Variants in SPATA18 observed in about 807,000 individuals in gnomAD.
SPATA18 encodes mitochondria-eating protein.
Under a neutral mutation model 68.1 loss-of-function variants are expected in SPATA18, and 54 were observed. That is an observed-to-expected ratio of 0.79 (90% CI 0.64 to 0.99). SPATA18 has a LOEUF of 0.99. Among genes scored for constraint, SPATA18 ranks in the 50% least tolerant of loss-of-function variants. The pLI is 0.00. For synonymous variants in SPATA18, 242 were observed against 244.8 expected (o/e 0.99, Z 0.11); for missense variants, 724 against 681.1 (o/e 1.06, Z -0.70).
chr4:52,059,519 T>C (rs1263009112), intron 1 of SPATA18, among the ~76,000 whole-genome samples: 3 of 152,218 alleles, frequency 2.0e-5, no homozygotes. Flanking sequence ...TTTGTTCTCA[T>C]TGCTTAGAAT....
chr4:52,076,709 C>A (rs984425627), intron 6 of SPATA18, 70 bp from the exon 7 acceptor site: 1 of 1,584,808 alleles, frequency 6.3e-7, no homozygotes, highest in South Asian at 1.2e-5. Context: ...TCATTGGCCA[C>A]CAGATGATCT....
At chr4:52,092,906 A>C (rs889483348) in intron 11 of SPATA18, among the ~76,000 whole-genome samples, 5 of 152,200 alleles carry the variant, frequency 3.3e-5, no homozygotes, top group Non-Finnish European at 7.3e-5. Context: ...CAGAAAACCA[A>C]ATACCTTTCT....
Position 52,069,867 on chromosome 4 carries a change from G to A in SPATA18, c.469G>A (p.Ala157Thr), listed in dbSNP as rs978014388. The A allele has an allele frequency of 5.0e-6, 8 of 1,598,280 alleles. No individual in the cohort carries two copies. The highest frequency in any genetic ancestry group is 6.0e-6 in the Non-Finnish European group (7 of 1,170,284). The stretch of plus-strand genomic sequence containing the variant: ...TCTTGAAGAAAGCAAGAACAGATCG[G>A]CCATATCCCTTTTGGCTGCAGAGGA... ...KNLEESKNRSAISLLAAEEEI... is the reference protein window; with the variant it reads ...KNLEESKNRSTISLLAAEEEI... Residue 157 changes from alanine (A) to threonine (T), a missense_variant, in exon 5 of 13, where the codon GCC (alanine) becomes ACC (threonine). Ala to Thr is a moderately conservative substitution (Grantham distance 58). Coordinates refer to ENST00000295213, the MANE Select transcript of SPATA18 (RefSeq NM_145263.4).
At chr4:52,066,738 A>G (rs1181465325) in intron 4 of SPATA18, among the ~76,000 whole-genome samples, 1 of 152,062 alleles carries the variant, frequency 6.6e-6, no homozygotes, top group East Asian at 1.9e-4. Context: ...CCCACTTATG[A>G]GTGAGAACAT....
chr4:52,085,760 T>C (rs902487036), intron 11 of SPATA18, among the ~76,000 whole-genome samples: 6 of 151,952 alleles, frequency 3.9e-5, no homozygotes, highest in Non-Finnish European at 5.9e-5. Flanking sequence ...CCCCCCCAAA[T>C]TAGCCAGGCA....
chr4:52,073,313 T>C (rs1054056150), intron 6 of SPATA18, among the ~76,000 whole-genome samples: 1 of 152,248 alleles, frequency 6.6e-6, no homozygotes, highest in Non-Finnish European at 1.5e-5. Context: ...TAGTTTCTTC[T>C]GTAAAACCTC....
chr4:52,074,896 A>T (rs1006047183), intron 6 of SPATA18, among the ~76,000 whole-genome samples: 1 of 152,156 alleles, frequency 6.6e-6, no homozygotes, highest in Non-Finnish European at 1.5e-5. Flanking sequence ...CCGCAATTAG[A>T]TTTACCCAAG....
chr4:52,070,544 G>A (rs1739724898), intron 5 of SPATA18, among the ~76,000 whole-genome samples: 1 of 148,234 alleles, frequency 6.7e-6, no homozygotes, highest in Non-Finnish European at 1.5e-5. Flanking sequence ...TGGGGTAGGG[G>A]GAGGGGGGAG....
chr4:52,073,921 C>T (rs951044952), intron 6 of SPATA18, among the ~76,000 whole-genome samples: 1 of 152,116 alleles, frequency 6.6e-6, no homozygotes, highest in Non-Finnish European at 1.5e-5. Context: ...ATCTAGAGCT[C>T]GTCTATTTCA....
Position 52,072,093 on chromosome 4 carries a change from A to T in SPATA18, c.695A>T (p.Gln232Leu), listed in dbSNP as rs1206419580. Reference protein sequence around the residue: ...DTEAMSDYKKQLRNLKEEIAV... With the variant: ...DTEAMSDYKKLLRNLKEEIAV... ...GAAGCCATGTCCGATTATAAGAAACAGCTCCGAAACCTGAAGGAGGAGATA... is the reference window on the plus strand; with the variant it reads ...GAAGCCATGTCCGATTATAAGAAACTGCTCCGAAACCTGAAGGAGGAGATA... Residue 232 changes from glutamine to leucine, a missense_variant, in exon 6 of 13, where the codon CAG becomes CTG. Coordinates refer to ENST00000295213, the MANE Select transcript of SPATA18 (RefSeq NM_145263.4). The T allele has an allele frequency of 6.2e-7, 1 of 1,614,094 alleles. No individual in the cohort carries two copies.
chr4:52,079,632 G>T, intron 8 of SPATA18, 112 bp from the exon 9 acceptor site: 1 of 1,246,148 alleles, frequency 8.0e-7, no homozygotes, highest in Non-Finnish European at 1.1e-6. Context: ...GCTTTAACTT[G>T]CTTTGGCTCA....
At chr4:52,067,942 C>G (rs534404001) in intron 4 of SPATA18, among the ~76,000 whole-genome samples, 2 of 152,258 alleles carry the variant, frequency 1.3e-5, no homozygotes, top group South Asian at 4.2e-4. Flanking sequence ...ATCAGATATG[C>G]AACAAAACAT....
In SPATA18 at chr4:52,051,709, C is replaced by T; in HGVS notation, c.5C>T (p.Ala2Val). Residue 2 changes from alanine (A) to valine (V), a missense_variant, in exon 1 of 13, where the codon GCG (alanine) becomes GTG (valine). By Grantham distance (64) the Ala-to-Val change is moderately conservative (BLOSUM62 0). Coordinates refer to ENST00000295213, the MANE Select transcript of SPATA18 (RefSeq NM_145263.4). The stretch of plus-strand genomic sequence containing the variant: ...GGCCGAGAGGAATAGTGAGCGATGG[C>T]GGAAAACCTGAAAAGACTGGTCTCA... M[A>V]ENLKRLVSNE... 1 of 1,614,142 alleles carries T rather than the reference C, an allele frequency of 6.2e-7. No homozygotes were observed. Among genetic ancestry groups the T allele is most frequent in the Admixed American group, 1.7e-5 (1 of 60,034 alleles).
chr4:52,070,830 T>C (rs1739763996), intron 5 of SPATA18, among the ~76,000 whole-genome samples: 1 of 151,876 alleles, frequency 6.6e-6, no homozygotes, highest in South Asian at 2.1e-4. Flanking sequence ...AAAAATAAGG[T>C]TATACCTTCC....
chr4:52,087,571 G>A (rs916051307), intron 11 of SPATA18, among the ~76,000 whole-genome samples: 2 of 152,136 alleles, frequency 1.3e-5, no homozygotes, highest in African/African-American at 4.8e-5. Flanking sequence ...TCAAAGATCA[G>A]ATGGTTGTAG....
chr4:52,095,005 T>G lies in SPATA18; in HGVS notation c.*118T>G. 8.3e-7 allele frequency: 1 copy of G among 1,199,050 alleles called. No individual in the cohort carries two copies. Among genetic ancestry groups the G allele is most frequent in the Non-Finnish European group, 1.2e-6 (1 of 805,070 alleles). The allele number at this position is 1,199,050 out of a possible 1,614,324, so 74.3% of individuals were successfully genotyped here. A position where few individuals can be genotyped will look rare whatever the true frequency, so the allele number is the denominator to read the frequency against. On this transcript the variant is annotated 3_prime_UTR_variant, in exon 13 of 13. Coordinates refer to ENST00000295213, the MANE Select transcript of SPATA18 (RefSeq NM_145263.4). Reference sequence around the variant, plus strand: ...TTAAGATAATGTCAAAAGGCAATTCTGTGTATCACCCCACACAGAGAGTTA... The same window carrying G: ...TTAAGATAATGTCAAAAGGCAATTCGGTGTATCACCCCACACAGAGAGTTA...
At chr4:52,060,349 C>A in intron 1 of SPATA18, 70 bp from the exon 2 acceptor site, 2 of 1,300,548 alleles carry the variant, frequency 1.5e-6, no homozygotes, top group East Asian at 2.3e-5. Flanking sequence ...TCAAGTGAGG[C>A]CCTGGTCTGT....
chr4:52,082,668 C>G (rs35414474), intron 10 of SPATA18, 158 bp downstream of exon 10: 229,689 of 1,499,650 alleles, frequency 0.15, 19,546 homozygotes, highest in South Asian at 0.3. Flanking sequence ...AGAACTGATT[C>G]TTTTCTTTGA....
chr4:52,056,414 C>T (rs1738345698), intron 1 of SPATA18, among the ~76,000 whole-genome samples: 1 of 152,110 alleles, frequency 6.6e-6, no homozygotes, highest in Admixed American at 6.5e-5. Context: ...ATGATGGCAT[C>T]CCATTTGTAG....
Sources: gnomAD v4.1 joint callset for allele counts (sites outside exome capture counted in the v4.1 genomes callset) on GRCh38, gnomAD v4.1.1 for gene constraint, MANE v1.5 for transcripts, NCBI Gene and HGNC (gene_info 2026-07-23, HGNC 2026-07-21) for gene names.